Variants in PACS1 observed in about 807,000 individuals in gnomAD.
The protein encoded by PACS1 is phosphofurin acidic cluster sorting protein 1, also known as PACS-1.
In PACS1, 24 loss-of-function variants were observed where a neutral mutation model predicts 115.0. That is an observed-to-expected ratio of 0.21 (90% CI 0.15 to 0.29). PACS1 has a LOEUF of 0.29. Ranked by LOEUF, PACS1 falls within the 10% of genes least tolerant of loss-of-function variation. The pLI is 1.00. For missense variants in PACS1, 838 were observed against 1,251.2 expected (o/e 0.67, Z 4.98); for synonymous variants, 453 against 504.5 (o/e 0.90, Z 1.37).
intron 1 of PACS1, among the ~76,000 whole-genome samples, chr11:66,183,847 A>T (rs1860058632): frequency 6.6e-6 from 1 of 152,024 alleles, no homozygotes. Context: ...ATTATTCAGA[A>T]TTTTCTAGAA....
intron 1 of PACS1, among the ~76,000 whole-genome samples, chr11:66,123,237 GC>G (rs1858486746): frequency 6.6e-6 from 1 of 151,438 alleles, no homozygotes; most frequent in Non-Finnish European, 1.5e-5. Flanking sequence ...GGTTGCCCGG[GC>G]TAGAGTGCAG....
Position 66,115,968 on chromosome 11 carries a change from T to G in PACS1, c.356+45126T>G, listed in dbSNP as rs184875657. On this transcript the variant is annotated intron_variant, in intron 1 of 23. Coordinates refer to ENST00000320580, the MANE Select transcript of PACS1 (RefSeq NM_018026.4). The stretch of plus-strand genomic sequence containing the variant: ...GCTGTCATATCTGAGGGTTTTAAAT[T>G]CTTGTTAACCTTTTAACTTATTGTG... Among the ~76,000 whole-genome samples the G allele has an allele frequency of 3.3e-5, 5 of 152,338 alleles. No homozygotes were observed. In the East Asian group the frequency reaches 9.6e-4, roughly 29 times the overall value.
intron 2 of PACS1, among the ~76,000 whole-genome samples, chr11:66,197,167 C>A (rs1305585503): frequency 6.6e-6 from 1 of 152,066 alleles, no homozygotes; most frequent in African/African-American, 2.4e-5. Context: ...TTTTAAAATA[C>A]TTTTAAATGT....
rs369648983 is a variant in PACS1, at chr11:66,212,349, G to A, written c.660+1090G>A. Among the ~76,000 whole-genome samples the A allele has an allele frequency of 3.6e-4, 54 of 151,098 alleles. 4 individuals carry two copies. The highest frequency in any genetic ancestry group is 1.8e-3 in the Admixed American group (27 of 15,200). ...GGGTTTCACCATGTTGGCCAGGATG[G>A]TCTCATTCTCCTGACCTTGTGATCC... On this transcript the variant is annotated intron_variant, in intron 4 of 23. Transcript: ENST00000320580.
chr11:66,104,216 G>A (rs968313938), intron 1 of PACS1, among the ~76,000 whole-genome samples: 2 of 152,192 alleles, frequency 1.3e-5, no homozygotes, highest in Non-Finnish European at 2.9e-5. Flanking sequence ...CCGTGTGTAA[G>A]TGAAAGGTAA....
At chr11:66,074,730 C>G (rs939348940) in intron 1 of PACS1, among the ~76,000 whole-genome samples, 2 of 152,018 alleles carry the variant, frequency 1.3e-5, no homozygotes, top group African/African-American at 2.4e-5. Context: ...CCTTAATGGA[C>G]AAAAGCGTTG....
chr11:66,155,361 A>C (rs906170424), intron 1 of PACS1, among the ~76,000 whole-genome samples: 6 of 152,236 alleles, frequency 3.9e-5, no homozygotes, highest in African/African-American at 1.4e-4. Flanking sequence ...TTTACAATAG[A>C]TAAATCTGAC....
chr11:66,244,625 T>G lies in PACS1; in HGVS notation c.*1345T>G, dbSNP rs1215688700. 6.6e-6 allele frequency: 1 copy of G among 152,308 alleles called. No individual in the cohort carries two copies. Among genetic ancestry groups the G allele is most frequent in the Non-Finnish European group, 1.5e-5 (1 of 68,076 alleles). 9.4% of individuals were successfully genotyped at this position (152,308 alleles called of 1,614,324 possible). On this transcript the variant is annotated 3_prime_UTR_variant, in exon 24 of 24. Transcript: ENST00000320580. ...CCTCCCCCAAGCTCTCCTCCAGCCC[T>G]TCCCAGGGCTCAGCCCTGCTGTCCT...
intron 1 of PACS1, among the ~76,000 whole-genome samples, chr11:66,181,662 C>A (rs182183948): frequency 6.6e-6 from 1 of 152,208 alleles, no homozygotes; most frequent in East Asian, 1.9e-4. Flanking sequence ...TTAGGAGTCT[C>A]CCTTAGATAT....
intron 1 of PACS1, among the ~76,000 whole-genome samples, chr11:66,161,044 G>GCC (rs1242405788): frequency 6.6e-6 from 1 of 152,062 alleles, no homozygotes; most frequent in African/African-American, 2.4e-5. Context: ...CCCTCACTTA[G>GCC]TGAGGATAAA....
At chr11:66,164,234 A>G (rs761754511) in intron 1 of PACS1, among the ~76,000 whole-genome samples, 3 of 152,118 alleles carry the variant, frequency 2.0e-5, no homozygotes, top group Non-Finnish European at 4.4e-5. Flanking sequence ...TACAGAGTTA[A>G]TGATTTCTTC....
At chr11:66,238,247 A>T in intron 19 of PACS1, 1 of 985,312 alleles carries the variant, frequency 1.0e-6, no homozygotes, top group Non-Finnish European at 1.2e-6. Context: ...TAGCACGTCC[A>T]CTTGGCTTTA....
At chr11:66,225,997 A>C (rs1017251753) in intron 10 of PACS1, among the ~76,000 whole-genome samples, 3 of 152,096 alleles carry the variant, frequency 2.0e-5, no homozygotes, top group Non-Finnish European at 4.4e-5. Context: ...ACATGGTAAA[A>C]GCTGTCTCTA....
chr11:66,117,647 G>A (rs550292767), intron 1 of PACS1, among the ~76,000 whole-genome samples: 6 of 151,914 alleles, frequency 3.9e-5, no homozygotes, highest in East Asian at 1.9e-4. Flanking sequence ...GGGAGTTCGC[G>A]ACCAGCCTGA....
At chr11:66,201,459 A>G (rs1210339013) in intron 2 of PACS1, among the ~76,000 whole-genome samples, 2 of 152,172 alleles carry the variant, frequency 1.3e-5, no homozygotes, top group African/African-American at 4.8e-5. Flanking sequence ...CAGTACCAAG[A>G]GGGAAATTCG....
At chr11:66,195,629 T>G (rs1270762710) in intron 2 of PACS1, among the ~76,000 whole-genome samples, 5 of 152,204 alleles carry the variant, frequency 3.3e-5, no homozygotes, top group Non-Finnish European at 7.3e-5. Context: ...AAACTACAAA[T>G]ATTTTGAATT....
intron 2 of PACS1, among the ~76,000 whole-genome samples, chr11:66,208,671 AAAG>A (rs1422664040): frequency 6.3e-4 from 90 of 143,448 alleles, no homozygotes; most frequent in African/African-American, 2.3e-3. Flanking sequence ...AAAAAAAAAA[AAAG>A]AAGAAGAAAA....
At chr11:66,186,674 A>G (rs1482822641) in intron 1 of PACS1, among the ~76,000 whole-genome samples, 3 of 152,270 alleles carry the variant, frequency 2.0e-5, no homozygotes, top group African/African-American at 7.2e-5. Context: ...GTGCCTCATT[A>G]TAAGGCTGAC....
At chr11:66,216,014 G>T (rs755400562) in intron 4 of PACS1, 105 bp from the exon 5 acceptor site, 2 of 946,410 alleles carry the variant, frequency 2.1e-6, no homozygotes, top group East Asian at 2.5e-5. Context: ...GGAAGAAAAC[G>T]TATCAGCAGA....
Sources: gnomAD v4.1 joint callset for allele counts (sites outside exome capture counted in the v4.1 genomes callset) on GRCh38, gnomAD v4.1.1 for gene constraint, MANE v1.5 for transcripts, NCBI Gene and HGNC (gene_info 2026-07-23, HGNC 2026-07-21) for gene names.